DOCK1: variants seen among roughly 807,000 people sequenced by gnomAD.
The protein encoded by DOCK1 is dedicator of cytokinesis protein 1.
Under a neutral mutation model 262.7 loss-of-function variants are expected in DOCK1, and 138 were observed. The observed-to-expected ratio is 0.53, with a 90% CI of 0.46 to 0.61. DOCK1 has a LOEUF of 0.61. Among genes scored for constraint, DOCK1 ranks in the 20% least tolerant of loss-of-function variants. DOCK1 has a pLI of 0.00. For missense variants in DOCK1, 1,908 were observed against 2,370.7 expected (o/e 0.80, Z 4.05); for synonymous variants, 866 against 867.4 (o/e 1.00, Z 0.03).
At chr10:127,178,633 G>A (rs2133937953) in intron 27 of DOCK1, among the ~76,000 whole-genome samples, 2 of 152,314 alleles carry the variant, frequency 1.3e-5, no homozygotes, top group Middle Eastern at 6.8e-3. Flanking sequence ...AGACAGCAAA[G>A]GAAGTCCTTG....
At chr10:127,354,601 A>G in intron 31 of DOCK1, 68 bp from the exon 32 acceptor site, 1 of 1,596,298 alleles carries the variant, frequency 6.3e-7, no homozygotes, top group Non-Finnish European at 8.6e-7. Flanking sequence ...GCACTTAAAA[A>G]TAATTCCAGT....
At chr10:127,061,573 T>C in intron 22 of DOCK1, 95 bp from the exon 23 acceptor site, 1 of 1,045,050 alleles carries the variant, frequency 9.6e-7, no homozygotes, top group Non-Finnish European at 1.4e-6. Flanking sequence ...TTCTAACTTG[T>C]CACCCAAGTG....
Position 127,012,496 on chromosome 10 carries a change from GA to G in DOCK1, c.1201+123del. 1.2e-6 allele frequency: 1 copy of G among 810,254 alleles called. No individual in the cohort carries two copies. The highest frequency in any genetic ancestry group is 2.0e-6 in the Non-Finnish European group (1 of 488,876). 50.2% of individuals were successfully genotyped at this position (810,254 alleles called of 1,614,324 possible). A position where few individuals can be genotyped will look rare whatever the true frequency, so the allele number is the denominator to read the frequency against. ...TGGTGATAATGATGGGGATGACAGT[GA>G]TCGTGGTGGAGAATGTGTGTGACAG... On this transcript the variant is annotated intron_variant, in intron 12 of 51. Transcript: ENST00000623213. This position sits in a 1 kb window ranked among gnomAD's most constrained non-coding sequence, Gnocchi z 4.0.
chr10:126,919,701 C>T (rs1591313789), intron 1 of DOCK1, among the ~76,000 whole-genome samples: 1 of 152,206 alleles, frequency 6.6e-6, no homozygotes, highest in Non-Finnish European at 1.5e-5. Flanking sequence ...CCCCCGATCC[C>T]GCGTTGCTCT....
At chr10:127,375,868 T>A (rs1446398996) in intron 35 of DOCK1, among the ~76,000 whole-genome samples, 1 of 152,134 alleles carries the variant, frequency 6.6e-6, no homozygotes, top group African/African-American at 2.4e-5. Flanking sequence ...TTGAAAACAA[T>A]CAACAATTAT....
At chr10:127,006,742 G>A (rs886940753) in intron 10 of DOCK1, among the ~76,000 whole-genome samples, 2 of 152,154 alleles carry the variant, frequency 1.3e-5, no homozygotes, top group African/African-American at 4.8e-5. Flanking sequence ...CCTGCACATG[G>A]TCCTGTGTTC....
At chr10:126,918,301 C>T (rs944867877) in intron 1 of DOCK1, among the ~76,000 whole-genome samples, 5 of 152,194 alleles carry the variant, frequency 3.3e-5, no homozygotes, top group South Asian at 2.1e-4. Context: ...TATCCACCAG[C>T]GTGCAGCGGG....
intron 10 of DOCK1, among the ~76,000 whole-genome samples, chr10:127,003,396 T>C (rs964524826): frequency 2.6e-5 from 4 of 152,242 alleles, no homozygotes; most frequent in Non-Finnish European, 5.9e-5. Context: ...GCTTCAGAGA[T>C]ACCCATAGGC....
chr10:127,049,006 A>C (rs2044529186), intron 21 of DOCK1, among the ~76,000 whole-genome samples: 1 of 152,234 alleles, frequency 6.6e-6, no homozygotes, highest in Non-Finnish European at 1.5e-5. Context: ...GAAGTAGTAA[A>C]GCAAGAAGAA....
At chr10:127,434,103 G>A (rs2069494894) in intron 48 of DOCK1, among the ~76,000 whole-genome samples, 1 of 151,572 alleles carries the variant, frequency 6.6e-6, no homozygotes, top group African/African-American at 2.4e-5. Context: ...ATTCTGCCAA[G>A]CCAACTGTCA....
chr10:127,314,774 C>T (rs958307515), intron 29 of DOCK1, among the ~76,000 whole-genome samples: 2 of 152,172 alleles, frequency 1.3e-5, no homozygotes, highest in African/African-American at 4.8e-5. Flanking sequence ...CTGTCAGTGT[C>T]TGGAAGCTCA....
intron 1 of DOCK1, among the ~76,000 whole-genome samples, chr10:126,907,775 C>T (rs889372983): frequency 1.3e-5 from 2 of 152,092 alleles, no homozygotes; most frequent in Non-Finnish European, 2.9e-5. Context: ...GCTTGAGTCT[C>T]ACACCTTCCA....
intron 29 of DOCK1, among the ~76,000 whole-genome samples, chr10:127,276,062 A>G (rs944984853): frequency 6.6e-6 from 1 of 152,202 alleles, no homozygotes; most frequent in Non-Finnish European, 1.5e-5. Flanking sequence ...AACTCATGCT[A>G]AATCATCCTC....
chr10:127,401,162 C>T (rs1030223440), intron 38 of DOCK1, among the ~76,000 whole-genome samples: 5 of 152,080 alleles, frequency 3.3e-5, no homozygotes, highest in East Asian at 1.9e-4. Context: ...ATTACCTGGC[C>T]GCCACCACCC....
chr10:127,393,848 A>G (rs111554334), intron 38 of DOCK1, among the ~76,000 whole-genome samples: 110 of 151,890 alleles, frequency 7.2e-4, no homozygotes, highest in African/African-American at 2.5e-3. Flanking sequence ...TGTCATTTCC[A>G]TCTGTTTCCA....
chr10:126,951,277 G>A (rs1253113253), intron 1 of DOCK1, among the ~76,000 whole-genome samples: 6 of 150,136 alleles, frequency 4.0e-5, no homozygotes, highest in African/African-American at 1.3e-4. Flanking sequence ...TGGTAGTATT[G>A]TTGGTAGTAT....
In DOCK1 at chr10:127,012,791, G is replaced by A. The variant is rs1382153956; in HGVS notation, c.1201+417G>A. Among the ~76,000 whole-genome samples the A allele has an allele frequency of 2.0e-5, 3 of 152,132 alleles. No homozygotes were observed. Among genetic ancestry groups the A allele is most frequent in the African/African-American group, 7.2e-5 (3 of 41,436 alleles). On this transcript the variant is annotated intron_variant, in intron 12 of 51. Transcript: ENST00000623213. The surrounding 1 kb of genome is among the most constrained non-coding windows in gnomAD (Gnocchi z 4.0). Reference sequence around the variant, plus strand: ...AGTGATTTCTCCGCCCCTACACTCCGCCTCACACTCACTGTTTTTAATCCT... The same window carrying A: ...AGTGATTTCTCCGCCCCTACACTCCACCTCACACTCACTGTTTTTAATCCT...
chr10:127,304,188 T>TG (rs1347343103), intron 29 of DOCK1, among the ~76,000 whole-genome samples: 2 of 151,708 alleles, frequency 1.3e-5, no homozygotes, highest in African/African-American at 4.8e-5. Flanking sequence ...AGGATGGGGG[T>TG]GGGGGCCGGA....
intron 51 of DOCK1, among the ~76,000 whole-genome samples, chr10:127,447,858 C>T (rs2070689274): frequency 6.6e-6 from 1 of 152,320 alleles, no homozygotes; most frequent in African/African-American, 2.4e-5. Flanking sequence ...GATCATTCCA[C>T]TGGAGATGCA....
Sources: allele counts gnomAD v4.1 joint callset (sites outside exome capture counted in the v4.1 genomes callset), GRCh38; gene constraint gnomAD v4.1.1; non-coding constraint Gnocchi (gnomAD v3.1); transcripts MANE v1.5; gene names NCBI Gene and HGNC (gene_info 2026-07-23, HGNC 2026-07-21).